The following RGS6 variants were observed in gnomAD, a reference collection of about 807,000 sequenced individuals.
RGS6 encodes regulator of G protein signaling 6.
RGS6 carries 30 observed loss-of-function variants against 78.5 expected under a neutral mutation model. That is an observed-to-expected ratio of 0.38 (90% CI 0.29 to 0.52). RGS6 has a LOEUF of 0.52. RGS6 is among the 20% of genes least tolerant of loss of function. The probability of loss-of-function intolerance (pLI) is 0.85; values close to 1 mark genes in which losing one functional copy is unlikely to be tolerated. For synonymous variants in RGS6, 206 were observed against 206.0 expected (o/e 1.00, Z 0.00); for missense variants, 495 against 609.7 (o/e 0.81, Z 1.98).
At chr14:72,308,479 T>C (rs1195513651) in intron 2 of RGS6, among the ~76,000 whole-genome samples, 3 of 152,210 alleles carry the variant, frequency 2.0e-5, no homozygotes, top group Non-Finnish European at 4.4e-5. Context: ...TTGTCTTAAA[T>C]AGTCCACTAA....
intron 4 of RGS6, among the ~76,000 whole-genome samples, chr14:72,455,812 T>C (rs2095615631): frequency 6.6e-6 from 1 of 152,224 alleles, no homozygotes. Context: ...CATCTACCTG[T>C]TTAGTTACAT....
intron 2 of RGS6, among the ~76,000 whole-genome samples, chr14:72,180,941 A>C (rs2097166294): frequency 6.6e-6 from 1 of 152,314 alleles, no homozygotes; most frequent in South Asian, 2.1e-4. Flanking sequence ...AAATTTCTTT[A>C]TAAATTACTG....
At chr14:72,313,688 A>G (rs2069249200) in intron 2 of RGS6, among the ~76,000 whole-genome samples, 1 of 152,218 alleles carries the variant, frequency 6.6e-6, no homozygotes, top group Non-Finnish European at 1.5e-5. Context: ...AAGATAACCC[A>G]ATAAAATAAA....
chr14:72,170,099 C>G (rs1404880809), intron 2 of RGS6, among the ~76,000 whole-genome samples: 3 of 152,266 alleles, frequency 2.0e-5, no homozygotes, highest in East Asian at 3.9e-4. Flanking sequence ...GATGAGGTCA[C>G]TGAGATTTTG....
chr14:71,995,300 G>A (rs1978225), intron 2 of RGS6, among the ~76,000 whole-genome samples: 67,822 of 152,094 alleles, frequency 0.45, 15,537 homozygotes, highest in East Asian at 0.54. Flanking sequence ...CTTTGTTACT[G>A]CATGGCTATA....
the RGS6 span, among the ~76,000 whole-genome samples, chr14:72,603,085 T>C: frequency 6.6e-6 from 1 of 152,236 alleles, no homozygotes. Context: ...CTAAATCTAA[T>C]AATGTATTTT....
At chr14:72,284,673 TC>T (rs1394816812) in intron 2 of RGS6, among the ~76,000 whole-genome samples, 2 of 151,854 alleles carry the variant, frequency 1.3e-5, no homozygotes, top group African/African-American at 4.8e-5. Context: ...CCACACAGAG[TC>T]CCCACAGGGG....
chr14:72,195,074 GAC>G (rs1239685238), intron 2 of RGS6, among the ~76,000 whole-genome samples: 2 of 152,116 alleles, frequency 1.3e-5, no homozygotes, highest in South Asian at 2.1e-4. Flanking sequence ...TAGGTGTGGT[GAC>G]ACACACCTGT....
the RGS6 span, among the ~76,000 whole-genome samples, chr14:71,869,889 C>T: frequency 6.6e-5 from 10 of 152,334 alleles, no homozygotes; most frequent in Non-Finnish European, 1.2e-4. Context: ...ACCTTTTACT[C>T]TCTTGCCCTC....
the RGS6 span, among the ~76,000 whole-genome samples, chr14:71,922,906 C>T: frequency 6.6e-6 from 1 of 151,018 alleles, no homozygotes; most frequent in Non-Finnish European, 1.5e-5. Flanking sequence ...AACCTAGATG[C>T]TATAGTTCTC....
chr14:72,457,084 T>TAAAAAAAAAAAAA (rs747066432), intron 4 of RGS6, among the ~76,000 whole-genome samples: 1 of 82,140 alleles, frequency 1.2e-5, no homozygotes, highest in African/African-American at 5.1e-5. Context: ...GACCTGTCTC[T>TAAAAAAAAAAAAA]AAAAAAAAAA....
chr14:72,325,985 A>G (rs2073644370), intron 2 of RGS6, among the ~76,000 whole-genome samples: 2 of 152,242 alleles, frequency 1.3e-5, no homozygotes, highest in Admixed American at 6.5e-5. Context: ...GCAAATTGCC[A>G]GTATTTATCA....
intron 2 of RGS6, among the ~76,000 whole-genome samples, chr14:72,198,400 A>G (rs1464399841): frequency 6.6e-6 from 1 of 152,288 alleles, no homozygotes; most frequent in Non-Finnish European, 1.5e-5. Flanking sequence ...GGCCCAGGCC[A>G]TAAGCAGACA....
At chr14:72,073,676 G>T (rs1303323418) in intron 2 of RGS6, among the ~76,000 whole-genome samples, 1 of 152,088 alleles carries the variant, frequency 6.6e-6, no homozygotes, top group East Asian at 1.9e-4. Flanking sequence ...ATGCAGATGT[G>T]GTGAGAACAT....
chr14:72,304,841 C>A (rs901464500), intron 2 of RGS6, among the ~76,000 whole-genome samples: 2 of 152,004 alleles, frequency 1.3e-5, no homozygotes, highest in African/African-American at 4.8e-5. Flanking sequence ...GATCGTGAAA[C>A]TGCACTCCAG....
chr14:71,990,276 A>C (rs2094899051), intron 2 of RGS6, among the ~76,000 whole-genome samples: 1 of 152,166 alleles, frequency 6.6e-6, no homozygotes, highest in African/African-American at 2.4e-5. Flanking sequence ...ATGAGATTTG[A>C]TGGGGACAAA....
At chr14:72,330,726 C>A (rs565447648) in intron 2 of RGS6, among the ~76,000 whole-genome samples, 1 of 152,304 alleles carries the variant, frequency 6.6e-6, no homozygotes, top group Admixed American at 6.5e-5. Flanking sequence ...GAATTCCAAA[C>A]CCTCTCACAG....
chr14:71,896,426 T>A, the RGS6 span, among the ~76,000 whole-genome samples: 6 of 151,974 alleles, frequency 3.9e-5, no homozygotes, highest in Non-Finnish European at 8.8e-5. Context: ...CTGGTGGGAG[T>A]GTAGCAGTGA....
intron 1 of RGS6, among the ~76,000 whole-genome samples, chr14:71,947,216 G>A (rs1328998006): frequency 6.6e-6 from 1 of 152,152 alleles, no homozygotes; most frequent in South Asian, 2.1e-4. Context: ...TCTCCCTGTG[G>A]CTAAAGGGTA....
Sources: allele counts gnomAD v4.1 joint callset (sites outside exome capture counted in the v4.1 genomes callset), GRCh38; gene constraint gnomAD v4.1.1; transcripts MANE v1.5; gene names NCBI Gene and HGNC (gene_info 2026-07-23, HGNC 2026-07-21).